The following SOX6 variants were observed in gnomAD, a reference collection of about 807,000 sequenced individuals.
SOX6 encodes SRY-box transcription factor 6.
A neutral mutation model predicts 97.8 loss-of-function variants in SOX6; 11 were observed. The ratio of observed to expected loss-of-function variants is 0.11; its 90% CI spans 0.07 to 0.19. The LOEUF is 0.19. Ranked by LOEUF, SOX6 falls within the 10% of genes least tolerant of loss-of-function variation. The pLI is 1.00. For synonymous variants in SOX6, 360 were observed against 371.4 expected, an observed-to-expected ratio of 0.97 and a Z score of 0.35; for missense variants, 810 against 1,039.5, an observed-to-expected ratio of 0.78 and a Z score of 3.04.
chr11:16,534,270 A>C (rs1180118538), intron 4 of SOX6, among the ~76,000 whole-genome samples: 1 of 152,162 alleles, frequency 6.6e-6, no homozygotes, highest in Non-Finnish European at 1.5e-5. Flanking sequence ...CCTGCATATC[A>C]CAGAACCTTG....
chr11:16,566,737 A>T (rs1847876870), intron 4 of SOX6, among the ~76,000 whole-genome samples: 1 of 152,266 alleles, frequency 6.6e-6, no homozygotes, highest in South Asian at 2.1e-4. Flanking sequence ...ATGGAAAGGT[A>T]AAATGATGCA....
chr11:16,214,632 A>G (rs1014797259), intron 4 of SOX6, among the ~76,000 whole-genome samples: 1 of 151,822 alleles, frequency 6.6e-6, no homozygotes, highest in African/African-American at 2.4e-5. Flanking sequence ...GAGATGCCAT[A>G]TTCACATCCC....
chr11:16,649,055 A>G (rs1849054274), intron 3 of SOX6, among the ~76,000 whole-genome samples: 2 of 152,104 alleles, frequency 1.3e-5, no homozygotes, highest in South Asian at 4.1e-4. Flanking sequence ...AATTAACCCA[A>G]TCAGACGGAG....
In SOX6 at chr11:16,523,633, A is replaced by C. The variant is rs1240632461; in HGVS notation, n.610-47245T>G. ...CAGAAGGCAAGAAATAACTAAGATCAGAGCAAAACTGAAGGAAATAGAGAC... is the reference window on the plus strand; with the variant it reads ...CAGAAGGCAAGAAATAACTAAGATCCGAGCAAAACTGAAGGAAATAGAGAC... On this transcript the variant is annotated intron_variant and non_coding_transcript_variant, in intron 4 of 5. Transcript: ENST00000524520. Among the ~76,000 whole-genome samples, 4 of 152,192 alleles carry C rather than the reference A, an allele frequency of 2.6e-5. No homozygotes were observed. The East Asian group carries it at 7.7e-4, about 29-fold the overall frequency.
intron 4 of SOX6, among the ~76,000 whole-genome samples, chr11:16,553,953 T>C (rs1186318211): frequency 6.6e-6 from 1 of 151,970 alleles, no homozygotes; most frequent in African/African-American, 2.4e-5. Flanking sequence ...TGTTACAGAG[T>C]ATTTGAAGTG....
chr11:16,038,520 C>T (rs1385933312), intron 12 of SOX6, among the ~76,000 whole-genome samples: 2 of 151,720 alleles, frequency 1.3e-5, no homozygotes, highest in Non-Finnish European at 2.9e-5. Context: ...TATTAAATGC[C>T]CAATTTGTAC....
chr11:16,137,489 A>C (rs1478846006), intron 6 of SOX6, among the ~76,000 whole-genome samples: 4 of 152,192 alleles, frequency 2.6e-5, no homozygotes, highest in Non-Finnish European at 4.4e-5. Flanking sequence ...AGTAAGACAC[A>C]CTGTATAATA....
chr11:16,426,191 G>A (rs908924528), intron 1 of SOX6, among the ~76,000 whole-genome samples: 2 of 133,620 alleles, frequency 1.5e-5, no homozygotes, highest in Admixed American at 1.7e-4. Flanking sequence ...GGGAGGCAGA[G>A]CTTGCAGTGA....
At chr11:16,390,108 C>T (rs1249704260) in intron 1 of SOX6, among the ~76,000 whole-genome samples, 1 of 151,436 alleles carries the variant, frequency 6.6e-6, no homozygotes, top group African/African-American at 2.4e-5. Context: ...GAGATCAATC[C>T]TGTTCGTGGA....
chr11:16,643,999 G>A (rs1448644278), intron 3 of SOX6, among the ~76,000 whole-genome samples: 7 of 152,126 alleles, frequency 4.6e-5, no homozygotes, highest in Admixed American at 6.5e-5. Context: ...CTTCTGCATC[G>A]CTCATGCTGG....
intron 4 of SOX6, among the ~76,000 whole-genome samples, chr11:16,500,362 T>A (rs1049158426): frequency 6.6e-6 from 1 of 152,174 alleles, no homozygotes; most frequent in East Asian, 1.9e-4. Context: ...TCATAGTGAA[T>A]AGGCAAAAAC....
At chr11:16,178,732 A>T (rs937110551) in intron 6 of SOX6, among the ~76,000 whole-genome samples, 1 of 151,958 alleles carries the variant, frequency 6.6e-6, no homozygotes, top group African/African-American at 2.4e-5. Flanking sequence ...TACCTGATCA[A>T]TAACATACAA....
At chr11:16,520,982 C>T (rs563407803) in intron 4 of SOX6, among the ~76,000 whole-genome samples, 3 of 152,318 alleles carry the variant, frequency 2.0e-5, no homozygotes, top group East Asian at 3.9e-4. Context: ...CCGGGAAGCT[C>T]GAACTGGGTG....
chr11:16,049,647 T>G, intron 11 of SOX6, 108 bp downstream of exon 11: 1 of 1,294,496 alleles, frequency 7.7e-7, no homozygotes, highest in Non-Finnish European at 1.1e-6. Flanking sequence ...AAGAGTATTA[T>G]CTTTTACTAA....
intron 15 of SOX6, among the ~76,000 whole-genome samples, chr11:15,978,235 A>G (rs1427848043): frequency 6.6e-6 from 1 of 152,072 alleles, no homozygotes; most frequent in Non-Finnish European, 1.5e-5. Context: ...CCTTTAAAGC[A>G]AAACTCTTTA....
Position 16,583,618 on chromosome 11 carries a change from T to TATATATATATATACACACACACAC in SOX6, n.609+28462_609+28463insGTGTGTGTGTGTATATATATATAT, listed in dbSNP as rs1565186408. Reference sequence around the variant, plus strand: ...GTATATATGTGTATATATATACATATATATATATATATATATATACACATA... The same window carrying TATATATATATATACACACACACAC: ...GTATATATGTGTATATATATACATATATATATATATATACACACACACACATATATATATATATATATACACATA... On this transcript the variant is annotated intron_variant and non_coding_transcript_variant, in intron 4 of 5. Transcript: ENST00000524520. Among the ~76,000 whole-genome samples the TATATATATATATACACACACACAC allele has an allele frequency of 5.7e-4, 72 of 126,004 alleles. 3 individuals are homozygous for TATATATATATATACACACACACAC. The highest frequency in any genetic ancestry group is 8.0e-4 in the African/African-American group (27 of 33,738). The allele number at this position is 126,004 out of a possible 152,430, so 82.7% of individuals were successfully genotyped here. A position where few individuals can be genotyped will look rare whatever the true frequency, so the allele number is the denominator to read the frequency against.
At chr11:16,257,325 A>G (rs1853723607) in intron 3 of SOX6, among the ~76,000 whole-genome samples, 1 of 151,898 alleles carries the variant, frequency 6.6e-6, no homozygotes, top group African/African-American at 2.4e-5. Context: ...TAAAGCTACA[A>G]TAATCAGGAC....
At chr11:15,976,832 T>C (rs1853500027) in intron 15 of SOX6, among the ~76,000 whole-genome samples, 1 of 152,166 alleles carries the variant, frequency 6.6e-6, no homozygotes, top group African/African-American at 2.4e-5. Context: ...ATTTCCATTA[T>C]ACCCTCTGGA....
At chr11:16,730,046 A>G (rs1407437832) in intron 2 of SOX6, among the ~76,000 whole-genome samples, 1 of 149,498 alleles carries the variant, frequency 6.7e-6, no homozygotes, top group Non-Finnish European at 1.5e-5. Flanking sequence ...ATATATATAT[A>G]TATCCTAAAT....
Sources: allele counts gnomAD v4.1 joint callset (sites outside exome capture counted in the v4.1 genomes callset), GRCh38; gene constraint gnomAD v4.1.1; transcripts MANE v1.5; gene names NCBI Gene and HGNC (gene_info 2026-07-23, HGNC 2026-07-21).